Variants in ARHGAP11B observed in about 807,000 individuals in gnomAD.
The protein encoded by ARHGAP11B is inactive Rho GTPase-activating protein 11B.
In ARHGAP11B, 14 loss-of-function variants were observed where a neutral mutation model predicts 27.6. That is an observed-to-expected ratio of 0.51 (90% CI 0.34 to 0.79). The LOEUF (loss-of-function observed/expected upper bound fraction) is 0.79, where lower values mean the gene tolerates loss of function less well. ARHGAP11B is among the 30% of genes least tolerant of loss of function. The pLI is 0.02. For synonymous variants in ARHGAP11B, 82 were observed against 114.1 expected (o/e 0.72, Z 1.80); for missense variants, 245 against 320.1 (o/e 0.77, Z 1.79).
At chr15:30,626,695 G>C (rs370060705) in exon 1 of ARHGAP11B, 8 of 1,407,144 alleles carry the variant, frequency 5.7e-6, no homozygotes, top group Non-Finnish European at 7.6e-6. Flanking sequence ...GGCCGCAGAA[G>C]TGCCAGACGG....
intron 6 of ARHGAP11B, among the ~76,000 whole-genome samples, chr15:30,637,976 T>C (rs1176258557): frequency 7.9e-5 from 12 of 151,626 alleles, no homozygotes; most frequent in African/African-American, 2.4e-4. Flanking sequence ...CACGCTACCA[T>C]GCCTGGCTAA....
chr15:30,634,192 G>T, exon 4 of ARHGAP11B: 1 of 1,608,538 alleles, frequency 6.2e-7, no homozygotes, highest in South Asian at 1.1e-5. Context: ...CATGGTGAAG[G>T]TTGCCTATCT....
At chr15:30,642,863 GTTAT>G (rs1414817269) in intron 7 of ARHGAP11B, among the ~76,000 whole-genome samples, 1 of 152,034 alleles carries the variant, frequency 6.6e-6, no homozygotes, top group African/African-American at 2.4e-5. Flanking sequence ...GCTGAGTTGG[GTTAT>G]TTGACACTTG....
chr15:30,645,062 T>TCCCAA (rs2060338536), intron 8 of ARHGAP11B, among the ~76,000 whole-genome samples: 1 of 151,730 alleles, frequency 6.6e-6, no homozygotes, highest in Admixed American at 6.6e-5. Context: ...CAAGGAAGGA[T>TCCCAA]TGGGATTCTA....
chr15:30,638,621 A>G, intron 6 of ARHGAP11B, 125 bp from the exon 7 acceptor site: 1 of 513,952 alleles, frequency 1.9e-6, no homozygotes, highest in Non-Finnish European at 3.4e-6. Context: ...ATTCCTCTTA[A>G]ATAACTTAAA....
At chr15:30,646,947 C>T (rs546314820) in intron 9 of ARHGAP11B, among the ~76,000 whole-genome samples, 1 of 151,970 alleles carries the variant, frequency 6.6e-6, no homozygotes, top group South Asian at 2.1e-4. Context: ...CCAGCCTGGG[C>T]AAAAAGAGCG....
chr15:30,627,020 C>G (rs1389467506), intron 1 of ARHGAP11B, 71 bp downstream of exon 1: 16 of 1,593,312 alleles, frequency 1.0e-5, no homozygotes, highest in Non-Finnish European at 1.3e-5. Context: ...ATTAGCAGAT[C>G]GTGCTAAAAT....
chr15:30,642,924 GA>G (rs2060323917), intron 7 of ARHGAP11B, among the ~76,000 whole-genome samples: 1 of 152,034 alleles, frequency 6.6e-6, no homozygotes, highest in Admixed American at 6.6e-5. Flanking sequence ...GCTTGGGATA[GA>G]AATTAAGGCT....
intron 9 of ARHGAP11B, among the ~76,000 whole-genome samples, chr15:30,647,219 G>A (rs762906682): frequency 2.0e-5 from 3 of 151,734 alleles, no homozygotes; most frequent in Non-Finnish European, 2.9e-5. Flanking sequence ...ATTTGTCAGC[G>A]TTTTTTTGTT....
At chr15:30,644,074 T>A (rs74011050) in intron 7 of ARHGAP11B, among the ~76,000 whole-genome samples, 1 of 151,882 alleles carries the variant, frequency 6.6e-6, no homozygotes, top group Admixed American at 6.6e-5. Flanking sequence ...GTAAACCCAG[T>A]GCCAACTATA....
At chr15:30,645,436 T>G (rs547815801) in intron 8 of ARHGAP11B, among the ~76,000 whole-genome samples, 4 of 152,036 alleles carry the variant, frequency 2.6e-5, no homozygotes, top group Non-Finnish European at 5.9e-5. Context: ...AAGACCAAAG[T>G]GAAGCAAAAT....
chr15:30,635,798 A>ATT (rs2060276758), intron 6 of ARHGAP11B, among the ~76,000 whole-genome samples, 165 bp downstream of exon 6: 1 of 143,390 alleles, frequency 7.0e-6, no homozygotes, highest in Non-Finnish European at 1.5e-5. Flanking sequence ...GTACAATCTA[A>ATT]TGTTAAGTGC....
exon 1 of ARHGAP11B, chr15:30,626,882 T>C: frequency 6.2e-7 from 1 of 1,613,476 alleles, no homozygotes; most frequent in Non-Finnish European, 8.5e-7. Context: ...TTCTATGGTA[T>C]TAAGGTGAAG....
At chr15:30,628,995 T>G (rs2060226786) in intron 1 of ARHGAP11B, among the ~76,000 whole-genome samples, 1 of 152,090 alleles carries the variant, frequency 6.6e-6, no homozygotes, top group Non-Finnish European at 1.5e-5. Context: ...AAGAAAATTC[T>G]GATTTACCCA....
At chr15:30,627,031 G>A (rs1228318962) in intron 1 of ARHGAP11B, 82 bp downstream of exon 1, 5 of 1,576,690 alleles carry the variant, frequency 3.2e-6, no homozygotes, top group Non-Finnish European at 3.5e-6. Context: ...GTGCTAAAAT[G>A]TTCACTCTGT....
chr15:30,644,496 G>A lies in ARHGAP11B; in HGVS notation c.*79-143G>A, dbSNP rs182023722. The stretch of plus-strand genomic sequence containing the variant: ...TATTTGTATGTTTTAATCTGAAAAG[G>A]CATCGTTCTTATTGTTTTTGGTAAC... On this transcript the variant is annotated intron_variant, in intron 7 of 10. Coordinates refer to ENST00000428041, the Ensembl canonical transcript of ARHGAP11B. 2.4e-4 allele frequency: 124 copies of A among 517,792 alleles called. No individual in the cohort carries two copies. The East Asian group carries it at 3.1e-3, about 13-fold the overall frequency. 32.1% of individuals were successfully genotyped at this position (517,792 alleles called of 1,614,324 possible).
At chr15:30,642,568 A>T (rs1038947807) in intron 7 of ARHGAP11B, among the ~76,000 whole-genome samples, 3 of 152,004 alleles carry the variant, frequency 2.0e-5, no homozygotes, top group Non-Finnish European at 4.4e-5. Flanking sequence ...CTTATTTTTT[A>T]TAATACCATT....
At chr15:30,643,327 G>A (rs62014563) in intron 7 of ARHGAP11B, among the ~76,000 whole-genome samples, 2,765 of 147,588 alleles carry the variant, frequency 0.019, 60 homozygotes, top group Admixed American at 0.033. Context: ...CACCCAGGTT[G>A]GAATGTAGTG....
At chr15:30,627,093 G>A (rs1595668805) in intron 1 of ARHGAP11B, 144 bp downstream of exon 1, 1 of 1,286,116 alleles carries the variant, frequency 7.8e-7, no homozygotes, top group Non-Finnish European at 1.0e-6. Flanking sequence ...ATCGATTGCT[G>A]ATATTTAAAA....
Sources: gnomAD v4.1 joint callset for allele counts (sites outside exome capture counted in the v4.1 genomes callset) on GRCh38, gnomAD v4.1.1 for gene constraint, MANE v1.5 for transcripts, NCBI Gene and HGNC (gene_info 2026-07-23, HGNC 2026-07-21) for gene names.